AVEN: variants seen among roughly 807,000 people sequenced by gnomAD.
The protein encoded by AVEN is apoptosis and caspase activation inhibitor, also known as cell death regulator Aven.
In AVEN, 41 loss-of-function variants were observed where a neutral mutation model predicts 38.1. The ratio of observed to expected loss-of-function variants is 1.08; its 90% CI spans 0.84 to 1.40. AVEN has a LOEUF of 1.40. Among genes scored for constraint, AVEN ranks in the 40% most tolerant of loss-of-function variants. AVEN has a pLI of 0.00. For synonymous variants in AVEN, 206 were observed against 171.8 expected, an observed-to-expected ratio of 1.20 and a Z score of -1.56; for missense variants, 605 against 438.8, an observed-to-expected ratio of 1.38 and a Z score of -3.38.
intron 2 of AVEN, among the ~76,000 whole-genome samples, chr15:33,945,550 T>C (rs963547241): frequency 3.3e-5 from 5 of 152,166 alleles, no homozygotes; most frequent in Admixed American, 2.6e-4. Flanking sequence ...CTCTTCATGA[T>C]TTTGTGGGTC....
chr15:33,943,571 C>T (rs1288341251), intron 2 of AVEN, among the ~76,000 whole-genome samples: 1 of 152,170 alleles, frequency 6.6e-6, no homozygotes, highest in Non-Finnish European at 1.5e-5. Context: ...AGGCTGGGCA[C>T]ACGCCTGTAA....
At chr15:34,069,123 T>G (rs2140855523) in intron 2 of AVEN, among the ~76,000 whole-genome samples, 1 of 150,662 alleles carries the variant, frequency 6.6e-6, no homozygotes, top group Non-Finnish European at 1.5e-5. Flanking sequence ...TACAGTCCAA[T>G]TTTTAAAAAC....
chr15:33,879,202 C>T (rs1891378274), intron 2 of AVEN, among the ~76,000 whole-genome samples: 1 of 151,470 alleles, frequency 6.6e-6, no homozygotes, highest in South Asian at 2.1e-4. Context: ...CACATATACA[C>T]CATGGAATAC....
chr15:33,887,687 A>T (rs1478808368), intron 2 of AVEN, among the ~76,000 whole-genome samples: 1 of 152,186 alleles, frequency 6.6e-6, no homozygotes, highest in Non-Finnish European at 1.5e-5. Flanking sequence ...GAAAAAAAGA[A>T]ACTTAAAGGA....
intron 2 of AVEN, among the ~76,000 whole-genome samples, chr15:33,881,523 A>G (rs1891485140): frequency 6.6e-6 from 1 of 152,192 alleles, no homozygotes; most frequent in African/African-American, 2.4e-5. Flanking sequence ...TTAAGTAGTA[A>G]ACTTGGTAAA....
chr15:33,976,702 G>GAAACAAAAAA (rs1188476005), intron 2 of AVEN, among the ~76,000 whole-genome samples: 1 of 151,034 alleles, frequency 6.6e-6, no homozygotes, highest in Non-Finnish European at 1.5e-5. Flanking sequence ...CAGCAAGACA[G>GAAACAAAAAA]AAACAAAAAA....
chr15:34,022,923 C>T (rs1159691008), intron 1 of AVEN, among the ~76,000 whole-genome samples: 2 of 152,210 alleles, frequency 1.3e-5, no homozygotes, highest in African/African-American at 4.8e-5. Context: ...CGCGGTGGCT[C>T]ACGCCTGTAA....
intron 5 of AVEN, among the ~76,000 whole-genome samples, chr15:34,057,704 G>A (rs1393813775): frequency 6.6e-6 from 1 of 152,188 alleles, no homozygotes; most frequent in Non-Finnish European, 1.5e-5. Context: ...GGCTGAGGCA[G>A]GAGGATCGCT....
chr15:34,056,027 A>C (rs942359053), intron 5 of AVEN, among the ~76,000 whole-genome samples: 7 of 152,134 alleles, frequency 4.6e-5, no homozygotes, highest in Admixed American at 3.9e-4. Context: ...CTAAGCAGGT[A>C]TTGTTATACG....
intron 2 of AVEN, among the ~76,000 whole-genome samples, chr15:33,937,941 AAAAAAAAAAAAAAAAAAG>A (rs1894154658): frequency 1.5e-5 from 1 of 67,724 alleles, no homozygotes; most frequent in African/African-American, 8.7e-5. Flanking sequence ...CCAAAAAAAA[AAAAAAAAAAAAAAAAAAG>A]AAAGAGAAAA....
chr15:33,890,193 G>A (rs973893433), intron 2 of AVEN, among the ~76,000 whole-genome samples: 4 of 152,140 alleles, frequency 2.6e-5, no homozygotes, highest in African/African-American at 9.7e-5. Flanking sequence ...GAGGTATATA[G>A]TGATCTTATC....
chr15:33,868,501 T>G (rs1299050900), intron 4 of AVEN, among the ~76,000 whole-genome samples: 2 of 132,776 alleles, frequency 1.5e-5, no homozygotes, highest in Non-Finnish European at 3.1e-5. Context: ...GCTGAGATTG[T>G]ACCACTGCAC....
intron 1 of AVEN, among the ~76,000 whole-genome samples, chr15:34,010,500 T>G (rs1357955562): frequency 1.3e-5 from 2 of 152,146 alleles, no homozygotes. Flanking sequence ...TTTTTGCAGG[T>G]CCCTGGTTCT....
chr15:33,920,641 A>C (rs1346173383), intron 2 of AVEN, among the ~76,000 whole-genome samples: 1 of 152,224 alleles, frequency 6.6e-6, no homozygotes, highest in Non-Finnish European at 1.5e-5. Flanking sequence ...CAAAGAAAAA[A>C]TGTATGTGTC....
intron 2 of AVEN, among the ~76,000 whole-genome samples, chr15:33,899,936 G>GT (rs61609189): frequency 0.11 from 15,253 of 144,792 alleles, 1,684 homozygotes; most frequent in African/African-American, 0.29. Flanking sequence ...TCACAGTTCA[G>GT]TTTTTTTTTT....
At chr15:33,864,443 A>AGACAATATGAAATAAGAAATTGTCT (rs1287573925), downstream of AVEN, among the ~76,000 whole-genome samples, 4 of 152,178 alleles carry the variant, frequency 2.6e-5, no homozygotes, top group African/African-American at 9.7e-5. Context: ...AACATTACAG[A>AGACAATATGAAATAAGAAATTGTCT]GACAATATGA....
chr15:33,865,264 A>AAGAAG, downstream of AVEN: 1 of 1,455,492 alleles, frequency 6.9e-7, no homozygotes, highest in Non-Finnish European at 9.6e-7. Context: ...TGGACAGTCA[A>AAGAAG]CTTCCCATGA....
intron 2 of AVEN, among the ~76,000 whole-genome samples, chr15:33,990,204 A>C (rs1896660203): frequency 6.7e-6 from 1 of 149,858 alleles, no homozygotes; most frequent in African/African-American, 2.5e-5. Flanking sequence ...ACTCCGTCTC[A>C]AAAAAAAACA....
intron 2 of AVEN, among the ~76,000 whole-genome samples, chr15:33,941,398 G>C (rs1894314866): frequency 6.6e-6 from 1 of 151,736 alleles, no homozygotes; most frequent in Non-Finnish European, 1.5e-5. Flanking sequence ...AAGGTTAAAC[G>C]AACAGTAAGA....
Sources: allele counts gnomAD v4.1 joint callset (sites outside exome capture counted in the v4.1 genomes callset), GRCh38; gene constraint gnomAD v4.1.1; transcripts MANE v1.5; gene names NCBI Gene and HGNC (gene_info 2026-07-23, HGNC 2026-07-21).